Variants in TMEM74 observed in about 807,000 individuals in gnomAD.
The protein encoded by TMEM74 is transmembrane protein 74.
TMEM74 carries 13 observed loss-of-function variants against 18.1 expected under a neutral mutation model. The ratio of observed to expected loss-of-function variants is 0.72; its 90% CI spans 0.47 to 1.14. TMEM74 has a LOEUF of 1.14. Ranked by LOEUF, TMEM74 falls within the 50% of genes most tolerant of loss-of-function variation. TMEM74 has a pLI of 0.00. For missense variants in TMEM74, 372 were observed against 375.9 expected (o/e 0.99, Z 0.09); for synonymous variants, 159 against 146.6 (o/e 1.08, Z -0.61).
At chr8:108,627,719 C>A (rs1328368155) in intron 2 of TMEM74, among the ~76,000 whole-genome samples, 1 of 151,894 alleles carries the variant, frequency 6.6e-6, no homozygotes, top group Admixed American at 6.6e-5. Context: ...TTCACTGAGA[C>A]CCATAGTGAG....
intron 1 of TMEM74, among the ~76,000 whole-genome samples, chr8:108,768,652 C>T (rs966371415): frequency 1.3e-5 from 2 of 152,172 alleles, no homozygotes; most frequent in African/African-American, 4.8e-5. Context: ...TTCCCACCTT[C>T]CTCTGGTAGG....
At chr8:108,755,215 C>G (rs1294431659) in intron 1 of TMEM74, among the ~76,000 whole-genome samples, 1 of 152,070 alleles carries the variant, frequency 6.6e-6, no homozygotes, top group Non-Finnish European at 1.5e-5. Context: ...TTGAATTCTG[C>G]TAACTACCTG....
chr8:108,638,879 G>A (rs768949693), intron 2 of TMEM74, among the ~76,000 whole-genome samples: 5 of 152,070 alleles, frequency 3.3e-5, no homozygotes, highest in Non-Finnish European at 5.9e-5. Flanking sequence ...CATTGACTGA[G>A]GCGTGACCAT....
rs182676270 is a variant in TMEM74, at chr8:108,714,555, A to G, written n.120-59118T>C. ...CTCAGATGTTGGCGAGGCAGCAAAG[A>G]AAAGGGAACGCTTATACACTGTTGG... is the stretch of plus-strand genomic sequence containing the variant. On this transcript the variant is annotated intron_variant and non_coding_transcript_variant, in intron 1 of 3. Transcript: ENST00000518838. Among the ~76,000 whole-genome samples, 12 of 152,354 alleles carry G rather than the reference A, an allele frequency of 7.9e-5. No individual in the cohort carries two copies. The East Asian group carries it at 2.1e-3, about 27-fold the overall frequency.
intron 2 of TMEM74, among the ~76,000 whole-genome samples, chr8:108,638,875 C>T (rs1469462764): frequency 6.6e-6 from 1 of 152,132 alleles, no homozygotes; most frequent in Admixed American, 6.6e-5. Context: ...TTAACATTGA[C>T]TGAGGCGTGA....
intron 1 of TMEM74, among the ~76,000 whole-genome samples, chr8:108,767,721 G>A (rs564750382): frequency 1.3e-5 from 2 of 152,144 alleles, no homozygotes; most frequent in South Asian, 4.2e-4. Flanking sequence ...TGGGGTTATT[G>A]ACTAATTTCA....
chr8:108,706,004 A>G (rs1392950278), intron 1 of TMEM74, among the ~76,000 whole-genome samples: 8 of 152,224 alleles, frequency 5.3e-5, no homozygotes, highest in Non-Finnish European at 1.2e-4. Flanking sequence ...ACTTCAGAGA[A>G]TTCTGAATCC....
chr8:108,716,379 C>A (rs1473894385), intron 1 of TMEM74, among the ~76,000 whole-genome samples: 1 of 152,032 alleles, frequency 6.6e-6, no homozygotes, highest in African/African-American at 2.4e-5. Context: ...ACTCTTTCAT[C>A]ACCTACAAAA....
chr8:108,621,927 C>T (rs1812444202), intron 2 of TMEM74, among the ~76,000 whole-genome samples: 1 of 152,096 alleles, frequency 6.6e-6, no homozygotes. Flanking sequence ...TATTTCTGGT[C>T]ATGATGGAGA....
At chr8:108,785,922 A>G (rs1285289257) in intron 1 of TMEM74, among the ~76,000 whole-genome samples, 4 of 152,156 alleles carry the variant, frequency 2.6e-5, no homozygotes, top group Non-Finnish European at 5.9e-5. Context: ...ACCTTACGGC[A>G]ATCCCTGCAA....
At chr8:108,785,764 T>C (rs887798224) in intron 1 of TMEM74, among the ~76,000 whole-genome samples, 17 of 152,170 alleles carry the variant, frequency 1.1e-4, no homozygotes, top group Admixed American at 3.3e-4. Context: ...CTGCTAAGCT[T>C]ACACCTCATA....
chr8:108,764,281 T>C (rs1344695349), intron 1 of TMEM74, among the ~76,000 whole-genome samples: 1 of 152,156 alleles, frequency 6.6e-6, no homozygotes, highest in South Asian at 2.1e-4. Flanking sequence ...AGAGCTTTGA[T>C]AGAATTTCAA....
chr8:108,734,336 C>T (rs1288817108), intron 1 of TMEM74, among the ~76,000 whole-genome samples: 1 of 152,060 alleles, frequency 6.6e-6, no homozygotes, highest in African/African-American at 2.4e-5. Context: ...ATTTTTTCAC[C>T]TTGCAGAAGA....
chr8:108,755,531 C>G (rs1359543132), intron 1 of TMEM74, among the ~76,000 whole-genome samples: 3 of 152,092 alleles, frequency 2.0e-5, no homozygotes, highest in Non-Finnish European at 4.4e-5. Flanking sequence ...ACATTTTACG[C>G]TGTAAGAAAA....
intron 2 of TMEM74, among the ~76,000 whole-genome samples, chr8:108,612,441 A>G (rs1484769390): frequency 3.9e-5 from 6 of 152,214 alleles, no homozygotes; most frequent in Admixed American, 1.3e-4. Context: ...CTCATTTTCC[A>G]GATTAAGAAA....
chr8:108,762,004 G>C (rs1009258147), intron 1 of TMEM74, among the ~76,000 whole-genome samples: 1 of 152,150 alleles, frequency 6.6e-6, no homozygotes, highest in African/African-American at 2.4e-5. Context: ...CTTCTGAGCT[G>C]ATCAGAATTC....
At chr8:108,663,582 C>T (rs1812921575) in intron 1 of TMEM74, among the ~76,000 whole-genome samples, 1 of 152,138 alleles carries the variant, frequency 6.6e-6, no homozygotes, top group Admixed American at 6.6e-5. Flanking sequence ...GCAGAAATAA[C>T]ATTTGACCCA....
chr8:108,717,227 C>CAA (rs1554574661), intron 1 of TMEM74, among the ~76,000 whole-genome samples: 2 of 151,666 alleles, frequency 1.3e-5, no homozygotes, highest in African/African-American at 4.8e-5. Flanking sequence ...AGGAGTTACT[C>CAA]AAAAAAATCA....
chr8:108,686,503 GT>G (rs1736306888), intron 1 of TMEM74, among the ~76,000 whole-genome samples: 3 of 152,050 alleles, frequency 2.0e-5, no homozygotes, highest in African/African-American at 7.2e-5. Flanking sequence ...CGCCGGCCCT[GT>G]TTTATACTTC....
Sources: gnomAD v4.1 joint callset for allele counts (sites outside exome capture counted in the v4.1 genomes callset) on GRCh38, gnomAD v4.1.1 for gene constraint, MANE v1.5 for transcripts, NCBI Gene and HGNC (gene_info 2026-07-23, HGNC 2026-07-21) for gene names.